Variants in NRG4 observed in about 807,000 individuals in gnomAD.
NRG4 encodes the protein neuregulin 4, also known as pro-neuregulin-4, membrane-bound isoform.
A neutral mutation model predicts 15.0 loss-of-function variants in NRG4; 10 were observed. The ratio of observed to expected loss-of-function variants is 0.67; its 90% CI spans 0.41 to 1.13. NRG4 has a LOEUF of 1.13. Among genes scored for constraint, NRG4 ranks in the 50% most tolerant of loss-of-function variants. The pLI is 0.00. For missense variants in NRG4, 139 were observed against 140.2 expected, an observed-to-expected ratio of 0.99 and a Z score of 0.04; for synonymous variants, 41 against 50.1, an observed-to-expected ratio of 0.82 and a Z score of 0.77.
At chr15:76,036,605 C>T (rs1205440046) in intron 4 of NRG4, among the ~76,000 whole-genome samples, 1 of 152,156 alleles carries the variant, frequency 6.6e-6, no homozygotes, top group East Asian at 1.9e-4. Context: ...TTCATCTATA[C>T]ATGAGGGCGG....
In NRG4 at chr15:76,040,011, C is replaced by A. The variant is rs374540953; in HGVS notation, c.-104-4020G>T. On this transcript the variant is annotated intron_variant, in intron 4 of 8. Transcript: ENST00000563910. ...TTGCACTACTGCACCCCAGCCTGGG[C>A]AACAAAGTGAGACTCTGTACCTGCC... 4.6e-5 allele frequency among the ~76,000 whole-genome samples: 7 copies of A among 151,606 alleles called. No individual in the cohort carries two copies. The East Asian group carries it at 9.7e-4, about 21-fold the overall frequency.
downstream of NRG4, chr15:75,938,043 A>G (rs889885544): frequency 5.3e-5 from 8 of 152,278 alleles, no homozygotes; most frequent in African/African-American, 1.9e-4. Flanking sequence ...CTAAGACCCA[A>G]GCTTTCACCT....
At position 75,941,960 on chromosome 15, in the gene NRG4, A is replaced by AAAAAACC. The variant is rs142812746; in HGVS notation, c.*1677_*1678insGGTTTTT. The AAAAAACC allele has an allele frequency of 1.1e-5, 1 of 93,766 alleles. No individual in the cohort carries two copies. Among genetic ancestry groups the AAAAAACC allele is most frequent in the African/African-American group, 3.9e-5 (1 of 25,782 alleles). The allele number at this position is 93,766 out of a possible 1,614,324, so 5.8% of individuals were successfully genotyped here. A position where few individuals can be genotyped will look rare whatever the true frequency, so the allele number is the denominator to read the frequency against. ...ACCACCAAAAAAAAAAAAAAAAAAA[A>AAAAAACC]ATATGGCCTAGCTTTTTTTTTTTTT... On this transcript the variant is annotated 3_prime_UTR_variant, in exon 6 of 6. Coordinates refer to ENST00000394907, the MANE Select transcript of NRG4 (RefSeq NM_138573.4).
chr15:76,045,972 G>A (rs1197822032), intron 4 of NRG4, among the ~76,000 whole-genome samples: 1 of 151,032 alleles, frequency 6.6e-6, no homozygotes, highest in African/African-American at 2.5e-5. Flanking sequence ...AATGCTTGAG[G>A]GGATGGATAC....
chr15:75,995,771 C>A (rs545596514), intron 3 of NRG4, among the ~76,000 whole-genome samples: 9 of 152,062 alleles, frequency 5.9e-5, no homozygotes, highest in Non-Finnish European at 1.3e-4. Context: ...ATTAACATAT[C>A]TAAAGAAAGA....
chr15:75,994,821 C>T (rs1477529463), intron 3 of NRG4, among the ~76,000 whole-genome samples: 1 of 152,140 alleles, frequency 6.6e-6, no homozygotes, highest in Non-Finnish European at 1.5e-5. Flanking sequence ...ATTTGTAATA[C>T]ACCTTGTCTT....
chr15:76,009,635 A>G (rs888464841), intron 2 of NRG4, among the ~76,000 whole-genome samples: 3 of 152,196 alleles, frequency 2.0e-5, no homozygotes, highest in African/African-American at 7.2e-5. Flanking sequence ...GAGATTTGGC[A>G]GTATTACCTA....
chr15:75,949,053 TCAAA>T (rs751044919), intron 5 of NRG4, among the ~76,000 whole-genome samples: 2 of 152,256 alleles, frequency 1.3e-5, no homozygotes, highest in Admixed American at 6.5e-5. Flanking sequence ...AGACCCTGTC[TCAAA>T]CAAAGAAGTC....
chr15:76,003,634 C>T (rs2141895892), intron 3 of NRG4, among the ~76,000 whole-genome samples: 1 of 152,220 alleles, frequency 6.6e-6, no homozygotes, highest in East Asian at 1.9e-4. Flanking sequence ...CATAATGAGA[C>T]ATGCTATAAT....
intron 5 of NRG4, among the ~76,000 whole-genome samples, chr15:75,944,851 C>T (rs1190193282): frequency 6.6e-6 from 1 of 151,904 alleles, no homozygotes; most frequent in Non-Finnish European, 1.5e-5. Context: ...GTCAAATGAA[C>T]TAATTTTGTC....
intron 5 of NRG4, among the ~76,000 whole-genome samples, chr15:75,951,303 G>T (rs2031890717): frequency 6.6e-6 from 1 of 151,256 alleles, no homozygotes; most frequent in Non-Finnish European, 1.5e-5. Context: ...GAATAGCTGG[G>T]ATTACAGGCG....
intron 2 of NRG4, among the ~76,000 whole-genome samples, chr15:76,010,870 T>C (rs1345373198): frequency 6.6e-6 from 1 of 152,140 alleles, no homozygotes; most frequent in Non-Finnish European, 1.5e-5. Context: ...TTGGCATTTA[T>C]TTTATCAATA....
chr15:75,955,207 A>T (rs1166655709), intron 5 of NRG4, among the ~76,000 whole-genome samples: 1 of 151,256 alleles, frequency 6.6e-6, no homozygotes, highest in East Asian at 1.9e-4. Flanking sequence ...TTTTTCCAGG[A>T]CTCTCCTCAG....
chr15:76,017,145 C>T (rs1596028475), upstream of NRG4, among the ~76,000 whole-genome samples: 1 of 142,816 alleles, frequency 7.0e-6, no homozygotes, highest in Admixed American at 7.0e-5. Flanking sequence ...ACTAGGATTG[C>T]AACCCCTGCC....
At chr15:75,990,347 C>T (rs999781052) in intron 3 of NRG4, among the ~76,000 whole-genome samples, 9 of 152,094 alleles carry the variant, frequency 5.9e-5, no homozygotes, top group African/African-American at 1.4e-4. Flanking sequence ...CAGAGTACTC[C>T]GCTTGGTGCA....
intron 3 of NRG4, among the ~76,000 whole-genome samples, chr15:75,975,904 G>T (rs539746176): frequency 1.3e-5 from 2 of 152,216 alleles, no homozygotes; most frequent in Admixed American, 1.3e-4. Context: ...GGCCTGTCTT[G>T]CTAGGTTGGG....
At chr15:75,993,631 G>A (rs559396809) in intron 3 of NRG4, among the ~76,000 whole-genome samples, 18 of 151,658 alleles carry the variant, frequency 1.2e-4, no homozygotes, top group East Asian at 1.9e-4. Context: ...CCCAGGAGGC[G>A]GAGGTTGCAG....
intron 1 of NRG4, among the ~76,000 whole-genome samples, chr15:76,058,234 A>AG (rs2141973998): frequency 1.3e-5 from 2 of 152,278 alleles, no homozygotes; most frequent in African/African-American, 4.8e-5. Context: ...TTCTTAACCC[A>AG]TCTCCACTTT....
intron 3 of NRG4, among the ~76,000 whole-genome samples, chr15:76,002,165 G>A (rs151008390): frequency 2.5e-3 from 386 of 152,266 alleles, no homozygotes; most frequent in Non-Finnish European, 3.6e-3. Context: ...AAACATATTT[G>A]ACAGCACAAC....
Sources: gnomAD v4.1 joint callset for allele counts (sites outside exome capture counted in the v4.1 genomes callset) on GRCh38, gnomAD v4.1.1 for gene constraint, MANE v1.5 for transcripts, NCBI Gene and HGNC (gene_info 2026-07-23, HGNC 2026-07-21) for gene names.